Variants in NARS2 observed in about 807,000 individuals in gnomAD.
NARS2 encodes the protein asparaginyl-tRNA synthetase.
NARS2 carries 60 observed loss-of-function variants against 62.9 expected under a neutral mutation model. The ratio of observed to expected loss-of-function variants is 0.95; its 90% CI spans 0.77 to 1.18. The LOEUF is 1.18. NARS2 is among the 50% of genes most tolerant of loss of function. The probability of loss-of-function intolerance (pLI) is 0.00; values close to 1 mark genes in which losing one functional copy is unlikely to be tolerated. For missense variants in NARS2, 619 were observed against 576.4 expected, an observed-to-expected ratio of 1.07 and a Z score of -0.76; for synonymous variants, 196 against 200.0, an observed-to-expected ratio of 0.98 and a Z score of 0.17.
chr11:78,437,112 C>G (rs1395878983), intron 13 of NARS2, among the ~76,000 whole-genome samples: 1 of 152,182 alleles, frequency 6.6e-6, no homozygotes, highest in African/African-American at 2.4e-5. Context: ...CAGGAGGCTA[C>G]AGAAAATTTT....
chr11:78,436,589 C>T lies in NARS2; in HGVS notation c.*81G>A. 1 of 1,407,470 alleles carries T rather than the reference C, an allele frequency of 7.1e-7. No individual in the cohort carries two copies. The highest frequency in any genetic ancestry group is 9.7e-7 in the Non-Finnish European group (1 of 1,031,950). 87.2% of individuals were successfully genotyped at this position (1,407,470 alleles called of 1,614,324 possible). A position where few individuals can be genotyped will look rare whatever the true frequency, so the allele number is the denominator to read the frequency against. On this transcript the variant is annotated 3_prime_UTR_variant, in exon 14 of 14. Coordinates refer to ENST00000281038, the MANE Select transcript of NARS2 (RefSeq NM_024678.6). ...ATATTGAAATCTGCATTTCTAAAAT[C>T]CAAACATGCATTCTGCTGTATGCAC...
chr11:78,574,526 A>C lies in NARS2; in HGVS notation c.-38T>G, dbSNP rs1003749346. On this transcript the variant is annotated 5_prime_UTR_variant, in exon 1 of 14. Transcript: ENST00000281038. ...CAGGCCCTCCGCGGGAGCAGCCCAG[A>C]CCCCACGGTTCGAACCCCGCCTGCA... is the stretch of plus-strand genomic sequence containing the variant. 11 of 1,554,188 alleles carry C rather than the reference A, an allele frequency of 7.1e-6. No individual in the cohort carries two copies. The highest frequency in any genetic ancestry group is 2.0e-5 in the Admixed American group (1 of 51,218).
intron 5 of NARS2, among the ~76,000 whole-genome samples, chr11:78,538,993 T>A (rs1317658189): frequency 1.4e-4 from 3 of 20,868 alleles, no homozygotes; most frequent in African/African-American, 7.9e-4. Context: ...AGAATCCGTC[T>A]CAAAAAAAAA....
intron 13 of NARS2, among the ~76,000 whole-genome samples, chr11:78,440,499 T>C (rs1020369798): frequency 4.6e-5 from 7 of 152,130 alleles, no homozygotes; most frequent in Non-Finnish European, 8.8e-5. Flanking sequence ...TAGTACCTAA[T>C]TCACAGGGTG....
intron 5 of NARS2, among the ~76,000 whole-genome samples, chr11:78,537,562 C>T (rs1431289904): frequency 6.6e-6 from 1 of 152,138 alleles, no homozygotes; most frequent in Non-Finnish European, 1.5e-5. Flanking sequence ...TTTGGGAGGC[C>T]AAGGTGGGAG....
intron 7 of NARS2, among the ~76,000 whole-genome samples, chr11:78,487,131 G>A (rs186077825): frequency 5.3e-5 from 8 of 152,038 alleles, no homozygotes; most frequent in Admixed American, 3.9e-4. Flanking sequence ...TGAGGTGGGC[G>A]GATCACTTGA....
chr11:78,466,110 T>C, intron 10 of NARS2, 97 bp from the exon 11 acceptor site: 2 of 1,276,758 alleles, frequency 1.6e-6, no homozygotes, highest in South Asian at 1.5e-5. Context: ...AAGGGCTTCA[T>C]CTTCCTGAGG....
At chr11:78,513,945 C>G (rs983387108) in intron 6 of NARS2, among the ~76,000 whole-genome samples, 12 of 151,976 alleles carry the variant, frequency 7.9e-5, no homozygotes, top group African/African-American at 1.7e-4. Context: ...ATGTGACACA[C>G]CCCCCTACAC....
At chr11:78,562,877 T>A (rs969415614) in intron 4 of NARS2, among the ~76,000 whole-genome samples, 3 of 152,238 alleles carry the variant, frequency 2.0e-5, no homozygotes, top group African/African-American at 7.2e-5. Context: ...TATATTTTAA[T>A]TAACAAAACT....
intron 5 of NARS2, among the ~76,000 whole-genome samples, chr11:78,532,617 C>G (rs1861520468): frequency 6.6e-6 from 1 of 152,150 alleles, no homozygotes; most frequent in African/African-American, 2.4e-5. Flanking sequence ...TTTGTTTCTT[C>G]CTATTACAGA....
intron 5 of NARS2, among the ~76,000 whole-genome samples, chr11:78,544,298 A>G (rs896181255): frequency 6.6e-6 from 1 of 152,196 alleles, no homozygotes; most frequent in Non-Finnish European, 1.5e-5. Flanking sequence ...AGTCCTTTTT[A>G]GAGGGAATGT....
chr11:78,455,292 A>G (rs1858118416), intron 11 of NARS2, among the ~76,000 whole-genome samples: 1 of 152,208 alleles, frequency 6.6e-6, no homozygotes, highest in Non-Finnish European at 1.5e-5. Context: ...ATAGCATAGA[A>G]TTTTAATTTT....
At position 78,478,632 on chromosome 11, in the gene NARS2, G is replaced by T; in HGVS notation, c.874C>A (p.Pro292Thr). 2 of 1,612,182 alleles carry T rather than the reference G, an allele frequency of 1.2e-6. No homozygotes were observed. The highest frequency in any genetic ancestry group is 1.7e-6 in the Non-Finnish European group (2 of 1,178,980). ...TTGTGACAGAGTTCAACATCTTCAG[G>T]ACATTTTGAGAGAACCATCATTGTT... ...ATTMMVLSKC[P>T]EDVELCHKFI... is the part of the protein sequence containing the mutation. Residue 292 changes from proline (P) to threonine (T), a missense_variant, in exon 8 of 14, where the codon CCT (proline) becomes ACT (threonine). Pro to Thr is a conservative substitution (Grantham distance 38, BLOSUM62 -1). Transcript: ENST00000281038.
At chr11:78,445,623 C>T (rs1857731714) in intron 11 of NARS2, among the ~76,000 whole-genome samples, 1 of 152,082 alleles carries the variant, frequency 6.6e-6, no homozygotes. Flanking sequence ...TTTTGTCTGT[C>T]TCCCAAAAAA....
intron 11 of NARS2, among the ~76,000 whole-genome samples, chr11:78,449,842 G>A (rs1392671681): frequency 6.6e-6 from 1 of 152,062 alleles, no homozygotes; most frequent in Non-Finnish European, 1.5e-5. Flanking sequence ...GAAGAAAGAG[G>A]GGAACATAAT....
At chr11:78,493,234 A>G (rs374618345) in intron 6 of NARS2, 39 bp from the exon 7 acceptor site, 1 of 1,548,526 alleles carries the variant, frequency 6.5e-7, no homozygotes. Flanking sequence ...TAGAATTCAC[A>G]TGATTAATTT....
chr11:78,516,404 C>G (rs1002219321), intron 6 of NARS2, among the ~76,000 whole-genome samples: 1 of 152,182 alleles, frequency 6.6e-6, no homozygotes, highest in Non-Finnish European at 1.5e-5. Flanking sequence ...AATGCACTTC[C>G]GTGTAATCAC....
intron 11 of NARS2, among the ~76,000 whole-genome samples, chr11:78,461,064 CAT>C (rs1231245410): frequency 2.6e-5 from 4 of 152,156 alleles, no homozygotes; most frequent in Non-Finnish European, 2.9e-5. Context: ...ATAAGGGACT[CAT>C]TAGTATCCTC....
Position 78,436,375 on chromosome 11 carries a change from G to A in NARS2, c.*295C>T, listed in dbSNP as rs770108388. 2.1e-5 allele frequency: 6 copies of A among 287,192 alleles called. No individual in the cohort carries two copies. Among genetic ancestry groups the A allele is most frequent in the Non-Finnish European group, 3.9e-5 (6 of 151,908 alleles). The allele number at this position is 287,192 out of a possible 1,614,324, so 17.8% of individuals were successfully genotyped here. Reference sequence around the variant, plus strand: ...AAATACATTATCTCATTCTGTTTTAGAGTTTAAAAGAAACTTTGAGACTAA... The same window carrying A: ...AAATACATTATCTCATTCTGTTTTAAAGTTTAAAAGAAACTTTGAGACTAA... On this transcript the variant is annotated 3_prime_UTR_variant, in exon 14 of 14. Coordinates refer to ENST00000281038, the MANE Select transcript of NARS2 (RefSeq NM_024678.6).
Sources: gnomAD v4.1 joint callset for allele counts (sites outside exome capture counted in the v4.1 genomes callset) on GRCh38, gnomAD v4.1.1 for gene constraint, MANE v1.5 for transcripts, NCBI Gene and HGNC (gene_info 2026-07-23, HGNC 2026-07-21) for gene names.